MAML3: variants seen among roughly 807,000 people sequenced by gnomAD.
The protein encoded by MAML3 is mastermind like transcriptional coactivator 3.
MAML3 carries 27 observed loss-of-function variants against 101.9 expected under a neutral mutation model. The observed-to-expected ratio is 0.27, with a 90% CI of 0.20 to 0.37. The LOEUF is 0.37. Among genes scored for constraint, MAML3 ranks in the 10% least tolerant of loss-of-function variants. The pLI, the probability that MAML3 is intolerant of heterozygous loss-of-function variation, is 1.00. For synonymous variants in MAML3, 501 were observed against 555.9 expected, an observed-to-expected ratio of 0.90 and a Z score of 1.39; for missense variants, 1,316 against 1,444.9, an observed-to-expected ratio of 0.91 and a Z score of 1.45.
chr4:139,952,740 T>C (rs985915342), intron 1 of MAML3, among the ~76,000 whole-genome samples: 1 of 152,188 alleles, frequency 6.6e-6, no homozygotes, highest in Non-Finnish European at 1.5e-5. Flanking sequence ...GACTTAGTTC[T>C]TGACAAAAGA....
chr4:140,040,307 A>T (rs1294563183), intron 1 of MAML3, among the ~76,000 whole-genome samples: 1 of 152,206 alleles, frequency 6.6e-6, no homozygotes, highest in East Asian at 1.9e-4. Flanking sequence ...GAAACAAAGA[A>T]ATATACCGTG....
rs188612361 is a variant in MAML3 at position 139,946,185 on chromosome 4, T to C, written c.469-55218A>G. Among the ~76,000 whole-genome samples the C allele has an allele frequency of 8.0e-4, 122 of 152,342 alleles. No individual in the cohort carries two copies. The Middle Eastern group carries it at 0.024, about 30-fold the overall frequency. The stretch of plus-strand genomic sequence containing the variant: ...TCAAGATATGTAACATTGGAAAACT[T>C]ACTGTGTGCAAGGTGTGATGAAATC... On this transcript the variant is annotated intron_variant, in intron 1 of 4. Coordinates refer to ENST00000509479, the MANE Select transcript of MAML3 (RefSeq NM_018717.5).
At chr4:140,083,274 TC>T (rs1366219200) in intron 1 of MAML3, among the ~76,000 whole-genome samples, 1 of 152,134 alleles carries the variant, frequency 6.6e-6, no homozygotes, top group Admixed American at 6.5e-5. Context: ...CCCCTATCTT[TC>T]CCCACATTGC....
At chr4:139,989,550 TCA>T (rs1424158984) in intron 1 of MAML3, among the ~76,000 whole-genome samples, 3 of 152,026 alleles carry the variant, frequency 2.0e-5, no homozygotes, top group African/African-American at 7.3e-5. Flanking sequence ...ATGCTATGAC[TCA>T]CGGTCCATGA....
chr4:140,027,119 T>C (rs1408346676), intron 1 of MAML3, among the ~76,000 whole-genome samples: 1 of 151,378 alleles, frequency 6.6e-6, no homozygotes, highest in African/African-American at 2.4e-5. Flanking sequence ...CTGAGCCCAA[T>C]GTCCCGACTC....
chr4:140,013,366 A>G (rs1375253853), intron 1 of MAML3, among the ~76,000 whole-genome samples: 1 of 152,150 alleles, frequency 6.6e-6, no homozygotes, highest in Non-Finnish European at 1.5e-5. Context: ...GCCACCTGCA[A>G]TCCTAACTGT....
intron 2 of MAML3, among the ~76,000 whole-genome samples, chr4:139,782,493 G>A (rs191045956): frequency 3.9e-4 from 59 of 152,294 alleles, no homozygotes; most frequent in African/African-American, 1.3e-3. Flanking sequence ...CTGGCATGGT[G>A]AAACTAATAT....
chr4:139,906,976 C>T (rs1732833629), intron 1 of MAML3, among the ~76,000 whole-genome samples: 1 of 152,090 alleles, frequency 6.6e-6, no homozygotes, highest in South Asian at 2.1e-4. Context: ...TATTTTGTTA[C>T]CTTTTGTCTA....
chr4:140,055,175 C>A (rs1189978802), intron 1 of MAML3, among the ~76,000 whole-genome samples: 1 of 152,152 alleles, frequency 6.6e-6, no homozygotes, highest in Non-Finnish European at 1.5e-5. Context: ...CCAAATATCT[C>A]ATTTATTTCT....
intron 1 of MAML3, among the ~76,000 whole-genome samples, chr4:140,071,570 C>A (rs1727654031): frequency 6.6e-6 from 1 of 151,402 alleles, no homozygotes; most frequent in South Asian, 2.1e-4. Context: ...TGATAATAAA[C>A]ATAAACACAT....
At chr4:140,053,644 C>G (rs868835221) in intron 1 of MAML3, among the ~76,000 whole-genome samples, 1 of 152,088 alleles carries the variant, frequency 6.6e-6, no homozygotes, top group Admixed American at 6.6e-5. Flanking sequence ...CAGGGGCCAG[C>G]AAATCTTTTT....
chr4:139,881,979 C>A (rs1732229235), intron 2 of MAML3, among the ~76,000 whole-genome samples: 1 of 152,084 alleles, frequency 6.6e-6, no homozygotes, highest in Admixed American at 6.6e-5. Context: ...GGTGTGAGAG[C>A]CACTGCTCCA....
intron 1 of MAML3, among the ~76,000 whole-genome samples, chr4:140,107,703 C>T (rs771581363): frequency 5.7e-4 from 86 of 151,678 alleles, no homozygotes; most frequent in Non-Finnish European, 9.7e-4. Context: ...TCGGGTTTCT[C>T]CATGTTGGCC....
intron 2 of MAML3, among the ~76,000 whole-genome samples, chr4:139,742,849 TA>T (rs1470242159): frequency 6.6e-6 from 1 of 152,194 alleles, no homozygotes; most frequent in Non-Finnish European, 1.5e-5. Flanking sequence ...ACTATAACAA[TA>T]GAGGCCTTCA....
chr4:139,959,688 G>A (rs10034184), intron 1 of MAML3, among the ~76,000 whole-genome samples: 194 of 152,216 alleles, frequency 1.3e-3, no homozygotes, highest in African/African-American at 4.5e-3. Flanking sequence ...AAACATTGAC[G>A]GTATTGAGGA....
At chr4:139,837,506 AACAAACAAACAC>A (rs1321883717) in intron 2 of MAML3, among the ~76,000 whole-genome samples, 4 of 151,986 alleles carry the variant, frequency 2.6e-5, no homozygotes, top group Admixed American at 6.6e-5. Flanking sequence ...TCCAAAACCA[AACAAACAAACAC>A]ACAAACAAAC....
chr4:140,135,089 C>T (rs180828500), intron 1 of MAML3, among the ~76,000 whole-genome samples: 1 of 152,304 alleles, frequency 6.6e-6, no homozygotes, highest in Admixed American at 6.5e-5. Flanking sequence ...CAGTGGAGCA[C>T]ACTCACAGGG....
intron 2 of MAML3, among the ~76,000 whole-genome samples, chr4:139,749,374 A>G (rs565424345): frequency 1.6e-4 from 24 of 152,356 alleles, no homozygotes; most frequent in African/African-American, 5.8e-4. Context: ...TGGCATTAAC[A>G]TAGATATTTG....
intron 1 of MAML3, among the ~76,000 whole-genome samples, chr4:139,921,454 A>T (rs1198053238): frequency 6.6e-6 from 1 of 152,174 alleles, no homozygotes; most frequent in African/African-American, 2.4e-5. Context: ...CCCTCAGTGC[A>T]AAACAAGCAT....
Sources: gnomAD v4.1 joint callset for allele counts (sites outside exome capture counted in the v4.1 genomes callset) on GRCh38, gnomAD v4.1.1 for gene constraint, MANE v1.5 for transcripts, NCBI Gene and HGNC (gene_info 2026-07-23, HGNC 2026-07-21) for gene names.